DCC: variants seen among roughly 807,000 people sequenced by gnomAD.
The protein encoded by DCC is DCC netrin 1 receptor, also known as netrin receptor DCC.
DCC carries 58 observed loss-of-function variants against 172.5 expected under a neutral mutation model. The observed-to-expected ratio is 0.34, with a 90% CI of 0.27 to 0.42. The LOEUF (loss-of-function observed/expected upper bound fraction) is 0.42. DCC is among the 10% of genes least tolerant of loss of function. The pLI, the probability that DCC is intolerant of heterozygous loss-of-function variation, is 1.00. For synonymous variants in DCC, 709 were observed against 644.5 expected (o/e 1.10, Z -1.52); for missense variants, 1,740 against 1,791.0 (o/e 0.97, Z 0.51).
rs2045486787 is a variant in DCC at position 53,456,668 on chromosome 18, A to G, written c.3393-2564A>G. 1.3e-5 allele frequency among the ~76,000 whole-genome samples: 2 copies of G among 152,198 alleles called. 1 individual carries two copies. On this transcript the variant is annotated intron_variant, in intron 23 of 28. Transcript: ENST00000442544. Reference sequence around the variant, plus strand: ...TCTGCAGTGGGGCCTGAGAATGTGCATTTCTAACAAGTTCCCAGGCAGTGG... The same window carrying G: ...TCTGCAGTGGGGCCTGAGAATGTGCGTTTCTAACAAGTTCCCAGGCAGTGG...
intron 1 of DCC, among the ~76,000 whole-genome samples, chr18:52,734,596 C>A (rs1198182264): frequency 1.3e-5 from 2 of 152,092 alleles, no homozygotes; most frequent in East Asian, 1.9e-4. Flanking sequence ...TCTGGCCCTG[C>A]ATCCCCATAA....
chr18:53,512,932 C>T (rs909818123), intron 27 of DCC, among the ~76,000 whole-genome samples: 3 of 152,240 alleles, frequency 2.0e-5, no homozygotes, highest in African/African-American at 7.2e-5. Flanking sequence ...CAAGGCAGGC[C>T]AACATTCAGA....
intron 12 of DCC, among the ~76,000 whole-genome samples, chr18:53,222,383 CTTTTTTTTTT>C (rs67373546): frequency 2.9e-5 from 3 of 104,216 alleles, no homozygotes; most frequent in Non-Finnish European, 3.5e-5. Flanking sequence ...TTTCTTTTTT[CTTTTTTTTTT>C]TTTTTTTTTG....
intron 3 of DCC, among the ~76,000 whole-genome samples, chr18:52,917,102 G>A (rs1369898675): frequency 4.8e-5 from 6 of 124,752 alleles, no homozygotes; most frequent in Non-Finnish European, 9.7e-5. Flanking sequence ...GGGCAGTCTG[G>A]TGAAACCCCG....
intron 12 of DCC, among the ~76,000 whole-genome samples, chr18:53,274,917 C>T (rs193273311): frequency 3.3e-5 from 5 of 152,162 alleles, no homozygotes; most frequent in East Asian, 3.9e-4. Context: ...TATTACAGTA[C>T]GGGGAAGCAC....
At chr18:53,137,066 C>T (rs1395253264) in intron 7 of DCC, among the ~76,000 whole-genome samples, 3 of 152,224 alleles carry the variant, frequency 2.0e-5, no homozygotes, top group Admixed American at 6.5e-5. Context: ...GAAAATTTCT[C>T]ATATTGACCT....
chr18:52,713,031 A>G (rs905726722), intron 1 of DCC, among the ~76,000 whole-genome samples: 14 of 152,042 alleles, frequency 9.2e-5, no homozygotes, highest in Non-Finnish European at 1.9e-4. Flanking sequence ...TAATTTTCCT[A>G]ATTGGTAGAG....
At chr18:53,208,390 T>C (rs145240998) in intron 11 of DCC, among the ~76,000 whole-genome samples, 2 of 152,102 alleles carry the variant, frequency 1.3e-5, no homozygotes, top group Admixed American at 6.6e-5. Flanking sequence ...TAAAACTTTG[T>C]GTATTTTTTA....
At chr18:52,844,520 T>A (rs1039582635) in intron 2 of DCC, among the ~76,000 whole-genome samples, 1 of 152,168 alleles carries the variant, frequency 6.6e-6, no homozygotes, top group Admixed American at 6.5e-5. Context: ...TCCAAAGGAG[T>A]TTGCAACCAT....
intron 22 of DCC, among the ~76,000 whole-genome samples, chr18:53,443,537 T>TA (rs1485793331): frequency 6.6e-6 from 1 of 152,244 alleles, no homozygotes; most frequent in Non-Finnish European, 1.5e-5. Context: ...TCATGCCTGC[T>TA]AACACAACAT....
chr18:52,867,438 A>T (rs2039245638), intron 2 of DCC, among the ~76,000 whole-genome samples: 1 of 151,866 alleles, frequency 6.6e-6, no homozygotes, highest in African/African-American at 2.4e-5. Context: ...TGTTTGGAAT[A>T]GTTTCAGAAG....
At chr18:53,352,808 T>A (rs2144908456) in intron 15 of DCC, among the ~76,000 whole-genome samples, 1 of 152,324 alleles carries the variant, frequency 6.6e-6, no homozygotes, top group African/African-American at 2.4e-5. Flanking sequence ...CCTTTGTATA[T>A]GTGTATGTGT....
chr18:53,297,858 G>A (rs2057086368), intron 12 of DCC, among the ~76,000 whole-genome samples: 1 of 152,274 alleles, frequency 6.6e-6, no homozygotes, highest in East Asian at 1.9e-4. Flanking sequence ...ATCTGCTGAC[G>A]CTTGAAGTCA....
At position 52,454,573 on chromosome 18, in the gene DCC, T is replaced by A. The variant is rs17754870; in HGVS notation, c.91+113695T>A. Among the ~76,000 whole-genome samples, 588 of 152,282 alleles carry A rather than the reference T, an allele frequency of 3.9e-3. 18 individuals are homozygous for A. In the East Asian group the frequency reaches 0.087, roughly 23 times the overall value. Reference sequence around the variant, plus strand: ...CTATTGACCGTGGTCACTAAACAGTTCATCAGCTTACGGTATTAACATAAA... The same window carrying A: ...CTATTGACCGTGGTCACTAAACAGTACATCAGCTTACGGTATTAACATAAA... On this transcript the variant is annotated intron_variant, in intron 1 of 28. Coordinates refer to ENST00000442544, the MANE Select transcript of DCC (RefSeq NM_005215.4).
intron 2 of DCC, among the ~76,000 whole-genome samples, chr18:52,833,200 G>A (rs144916207): frequency 5.4e-4 from 82 of 152,216 alleles, no homozygotes; most frequent in Middle Eastern, 6.8e-3. Context: ...AAGTCCACCT[G>A]TCTGAGTGTT....
At chr18:52,964,112 G>C (rs551127695) in intron 5 of DCC, among the ~76,000 whole-genome samples, 87 of 152,244 alleles carry the variant, frequency 5.7e-4, no homozygotes, top group African/African-American at 2.0e-3. Flanking sequence ...ACAGAGCATA[G>C]AGAGAATAAA....
At chr18:52,868,548 T>G (rs896522046) in intron 2 of DCC, among the ~76,000 whole-genome samples, 14 of 152,362 alleles carry the variant, frequency 9.2e-5, no homozygotes, top group African/African-American at 3.4e-4. Flanking sequence ...AGGGTGGCTG[T>G]CTTTGCTCAT....
chr18:53,175,542 CAGAG>C (rs1208320702), intron 8 of DCC, among the ~76,000 whole-genome samples: 1 of 148,974 alleles, frequency 6.7e-6, no homozygotes, highest in Non-Finnish European at 1.5e-5. Context: ...AACAGACAAA[CAGAG>C]AGCCAAATCA....
intron 7 of DCC, among the ~76,000 whole-genome samples, chr18:53,120,661 T>A (rs1248470167): frequency 6.6e-6 from 1 of 151,824 alleles, no homozygotes; most frequent in Non-Finnish European, 1.5e-5. Context: ...AGCCACAAGC[T>A]ATGATATATC....
Sources: allele counts gnomAD v4.1 joint callset (sites outside exome capture counted in the v4.1 genomes callset), GRCh38; gene constraint gnomAD v4.1.1; transcripts MANE v1.5; gene names NCBI Gene and HGNC (gene_info 2026-07-23, HGNC 2026-07-21).